The following RWDD1 variants were observed in gnomAD, a reference collection of about 807,000 sequenced individuals.
RWDD1 encodes the protein RWD domain-containing protein 1.
In RWDD1, 17 loss-of-function variants were observed where a neutral mutation model predicts 31.6. That is an observed-to-expected ratio of 0.54 (90% confidence interval 0.37 to 0.81). The LOEUF is 0.81. RWDD1 is among the 30% of genes least tolerant of loss of function. The pLI, the probability that RWDD1 is intolerant of heterozygous loss-of-function variation, is 0.00. For missense variants in RWDD1, 204 were observed against 274.5 expected (o/e 0.74, Z 1.82); for synonymous variants, 78 against 94.2 (o/e 0.83, Z 0.99).
At chr6:116,583,725 C>G (rs1051879710) in intron 2 of RWDD1, among the ~76,000 whole-genome samples, 1 of 151,858 alleles carries the variant, frequency 6.6e-6, no homozygotes, top group Non-Finnish European at 1.5e-5. Flanking sequence ...AAATCTTGTT[C>G]CACCAATAAA....
Position 116,588,833 on chromosome 6 carries a change from G to T in RWDD1, c.271-9G>T. ...GAGTTATTCCTCATCACCTTTTTGT[G>T]TTACACAGGCTGAAGAAAATCTTGG... On this transcript the variant is annotated splice_polypyrimidine_tract_variant and intron_variant, in intron 3 of 6. Coordinates refer to ENST00000466444, the MANE Select transcript of RWDD1 (RefSeq NM_015952.4). 6.6e-7 allele frequency: 1 copy of T among 1,521,740 alleles called. No homozygotes were observed. Among genetic ancestry groups the T allele is most frequent in the South Asian group, 1.4e-5 (1 of 73,700 alleles). 94.3% of individuals were successfully genotyped at this position (1,521,740 alleles called of 1,614,324 possible).
At chr6:116,573,983 G>A in intron 1 of RWDD1, 1 of 984,440 alleles carries the variant, frequency 1.0e-6, no homozygotes, top group Non-Finnish European at 1.2e-6. Context: ...TTGCAAAGAA[G>A]TTTTGGTCCA....
chr6:116,571,713 G>A (rs1452169499), intron 1 of RWDD1, 58 bp downstream of exon 1: 15 of 1,516,294 alleles, frequency 9.9e-6, no homozygotes, highest in Non-Finnish European at 1.4e-5. Flanking sequence ...ACGGGCAGGA[G>A]CTGCCGCAGC....
At chr6:116,574,081 C>T in intron 1 of RWDD1, 1 of 597,732 alleles carries the variant, frequency 1.7e-6, no homozygotes, top group Non-Finnish European at 2.1e-6. Context: ...TGATCCAACC[C>T]TCCTAACAAC....
chr6:116,582,237 A>G (rs2115328982), intron 2 of RWDD1, among the ~76,000 whole-genome samples: 1 of 149,730 alleles, frequency 6.7e-6, no homozygotes, highest in South Asian at 2.1e-4. Flanking sequence ...AATGCCTTTT[A>G]CTTATAGTAG....
chr6:116,590,542 C>T, intron 5 of RWDD1, 138 bp downstream of exon 5: 1 of 1,091,256 alleles, frequency 9.2e-7, no homozygotes. Context: ...AACATATCTA[C>T]CAGATGATGT....
intron 2 of RWDD1, among the ~76,000 whole-genome samples, chr6:116,584,091 G>A (rs532099162): frequency 6.6e-6 from 1 of 152,306 alleles, no homozygotes; most frequent in South Asian, 2.1e-4. Flanking sequence ...AGAACTCAAT[G>A]GCCTGTGCTG....
chr6:116,580,802 A>G (rs1026258255), intron 2 of RWDD1, among the ~76,000 whole-genome samples: 23 of 152,064 alleles, frequency 1.5e-4, no homozygotes, highest in African/African-American at 5.6e-4. Flanking sequence ...GTCTGTCTGC[A>G]TGTTTCTGTC....
intron 1 of RWDD1, among the ~76,000 whole-genome samples, chr6:116,578,514 G>A (rs1046149990): frequency 1.3e-5 from 2 of 151,920 alleles, no homozygotes; most frequent in Admixed American, 6.5e-5. Context: ...CATAGAAAGT[G>A]GTAATAAGTT....
rs1775203021 is a variant in RWDD1, at chr6:116,594,138, GCTT to G, written c.*1038_*1040del. The G allele has an allele frequency of 6.8e-6, 1 of 147,664 alleles. No homozygotes were observed. Among genetic ancestry groups the G allele is most frequent in the African/African-American group, 2.5e-5 (1 of 39,860 alleles). 9.1% of individuals were successfully genotyped at this position (147,664 alleles called of 1,614,324 possible). On this transcript the variant is annotated 3_prime_UTR_variant, in exon 7 of 7. Transcript: ENST00000466444. Reference sequence around the variant, plus strand: ...AGGCTTTTTTTTTTTTTTTAAACTAGCTTTGGTGGGAACTCCCTCACCCCTGCT... The same window carrying G: ...AGGCTTTTTTTTTTTTTTTAAACTAGTGGTGGGAACTCCCTCACCCCTGCT...
rs1315155432 is a variant in RWDD1, at chr6:116,594,360, A to G, written c.*1259A>G. On this transcript the variant is annotated 3_prime_UTR_variant, in exon 7 of 7. Coordinates refer to ENST00000466444, the MANE Select transcript of RWDD1 (RefSeq NM_015952.4). Reference sequence around the variant, plus strand: ...TTTAAATTAAAATTTAAATTACAGTATTTAAATTAGAATCATTTGTGGAGT... The same window carrying G: ...TTTAAATTAAAATTTAAATTACAGTGTTTAAATTAGAATCATTTGTGGAGT... The G allele has an allele frequency of 1.3e-5, 2 of 152,134 alleles. No homozygotes were observed. Among genetic ancestry groups the G allele is most frequent in the East Asian group, 3.8e-4 (2 of 5,196 alleles). The allele number at this position is 152,134 out of a possible 1,614,324, so 9.4% of individuals were successfully genotyped here.
intron 6 of RWDD1, 89 bp from the exon 7 acceptor site, chr6:116,592,891 T>A (rs540774690): frequency 1.4e-6 from 2 of 1,416,422 alleles, no homozygotes; most frequent in South Asian, 2.7e-5. Flanking sequence ...TTTGGAGATT[T>A]CTGTTTGGTA....
At chr6:116,589,434 A>G (rs778701067) in intron 4 of RWDD1, among the ~76,000 whole-genome samples, 1 of 152,234 alleles carries the variant, frequency 6.6e-6, no homozygotes, top group African/African-American at 2.4e-5. Flanking sequence ...CCTGGGCTGC[A>G]TGTGGCTCTC....
intron 1 of RWDD1, among the ~76,000 whole-genome samples, chr6:116,574,680 C>G (rs923790097): frequency 1.3e-5 from 2 of 150,776 alleles, no homozygotes; most frequent in South Asian, 4.2e-4. Context: ...CTCTCTCTCT[C>G]TTCCTTCCTT....
rs1774925879 is a variant in RWDD1 at position 116,580,302 on chromosome 6, AG to A, written c.82del (p.Glu28LysfsTer10). 1 of 1,600,844 alleles carries A rather than the reference AG, an allele frequency of 6.2e-7. No individual in the cohort carries two copies. Among genetic ancestry groups the A allele is most frequent in the African/African-American group, 1.3e-5 (1 of 74,824 alleles). ...IYPDSFTVLS[E>X]NPPSFTITVT... ...GTGTGTATTTTCTTGCAGTATTATC[AG>A]AAAATCCACCCAGCTTCACCATTAC... On this transcript the variant is annotated frameshift_variant, in exon 2 of 7. Coordinates refer to ENST00000466444, the MANE Select transcript of RWDD1 (RefSeq NM_015952.4). LOFTEE classifies it high-confidence loss of function.
chr6:116,593,364 C>G lies in RWDD1; in HGVS notation c.*263C>G. 1 of 259,114 alleles carries G rather than the reference C, an allele frequency of 3.9e-6. No individual in the cohort carries two copies. Among genetic ancestry groups the G allele is most frequent in the Non-Finnish European group, 7.3e-6 (1 of 137,882 alleles). The allele number at this position is 259,114 out of a possible 1,614,324, so 16.1% of individuals were successfully genotyped here. The stretch of plus-strand genomic sequence containing the variant: ...AGATCCTGCCTATAGCACCAAGACT[C>G]GAAGGTAGGCTGCTGCTGTGCACAT... On this transcript the variant is annotated 3_prime_UTR_variant, in exon 7 of 7. Coordinates refer to ENST00000466444, the MANE Select transcript of RWDD1 (RefSeq NM_015952.4).
At position 116,590,958 on chromosome 6, in the gene RWDD1, A is replaced by T; in HGVS notation, c.610+8A>T. ...TCCAGTTCTTGGAGGATGGTAAGAT[A>T]ATAGTAGAATTCCACATGTGGGACA... On this transcript the variant is annotated splice_region_variant and intron_variant, in intron 6 of 6. Transcript: ENST00000466444. The T allele has an allele frequency of 6.4e-7, 1 of 1,572,456 alleles. No individual in the cohort carries two copies. Among genetic ancestry groups the T allele is most frequent in the Non-Finnish European group, 8.6e-7 (1 of 1,167,278 alleles).
At chr6:116,592,630 G>T (rs999996128) in intron 6 of RWDD1, among the ~76,000 whole-genome samples, 1 of 152,190 alleles carries the variant, frequency 6.6e-6, no homozygotes, top group African/African-American at 2.4e-5. Context: ...TACTGGAAGA[G>T]ATAACTCCTC....
In RWDD1 at chr6:116,593,279, TC is replaced by T; in HGVS notation, c.*179del. The T allele has an allele frequency of 1.7e-6, 1 of 580,848 alleles. No individual in the cohort carries two copies. The highest frequency in any genetic ancestry group is 2.7e-6 in the Non-Finnish European group (1 of 363,784). The allele number at this position is 580,848 out of a possible 1,614,324, so 36.0% of individuals were successfully genotyped here. A position where few individuals can be genotyped will look rare whatever the true frequency, so the allele number is the denominator to read the frequency against. On this transcript the variant is annotated 3_prime_UTR_variant, in exon 7 of 7. Transcript: ENST00000466444. ...CCTTAAAATTTCAAATATAAAATGTTCAAGGCTTCTTACTGTTGAGCACAAG... is the reference window on the plus strand; with the variant it reads ...CCTTAAAATTTCAAATATAAAATGTTAAGGCTTCTTACTGTTGAGCACAAG...
Sources: gnomAD v4.1 joint callset for allele counts (sites outside exome capture counted in the v4.1 genomes callset) on GRCh38, gnomAD v4.1.1 for gene constraint, MANE v1.5 for transcripts, NCBI Gene and HGNC (gene_info 2026-07-23, HGNC 2026-07-21) for gene names.